The following MAGI1 variants were observed in gnomAD, a reference collection of about 807,000 sequenced individuals.
The protein encoded by MAGI1 is membrane associated guanylate kinase, WW and PDZ domain containing 1, also known as membrane-associated guanylate kinase, WW and PDZ domain-containing protein 1.
In MAGI1, 58 loss-of-function variants were observed where a neutral mutation model predicts 139.9. The ratio of observed to expected loss-of-function variants is 0.41; its 90% CI spans 0.34 to 0.52. The LOEUF (loss-of-function observed/expected upper bound fraction) is 0.52. Among genes scored for constraint, MAGI1 ranks in the 20% least tolerant of loss-of-function variants. The pLI is 0.12. For synonymous variants in MAGI1, 812 were observed against 737.9 expected (o/e 1.10, Z -1.63); for missense variants, 1,874 against 1,901.6 (o/e 0.99, Z 0.27).
chr3:65,557,323 C>T lies in MAGI1; in HGVS notation c.431-63692G>A, dbSNP rs895331726. ...GAAGCCTGCTACCACGTGGTAAGAG[C>T]CACACATAGTGAGGAACTAAAGCCT... On this transcript the variant is annotated intron_variant, in intron 2 of 22. Transcript: ENST00000402939. Among the ~76,000 whole-genome samples the T allele has an allele frequency of 2.6e-5, 4 of 152,180 alleles. No homozygotes were observed. In the South Asian group the frequency reaches 8.3e-4, roughly 32 times the overall value.
At chr3:65,674,223 T>C (rs1230978459) in intron 1 of MAGI1, among the ~76,000 whole-genome samples, 1 of 152,200 alleles carries the variant, frequency 6.6e-6, no homozygotes, top group Non-Finnish European at 1.5e-5. Flanking sequence ...GATTTCTGCA[T>C]GTTATGGCCT....
intron 1 of MAGI1, among the ~76,000 whole-genome samples, chr3:65,740,257 C>A (rs2035145905): frequency 6.6e-6 from 1 of 152,162 alleles, no homozygotes; most frequent in Admixed American, 6.5e-5. Flanking sequence ...GATAATGATG[C>A]TAATAATATT....
intron 4 of MAGI1, among the ~76,000 whole-genome samples, chr3:65,474,145 G>C (rs1430348398): frequency 6.6e-6 from 1 of 152,138 alleles, no homozygotes; most frequent in East Asian, 1.9e-4. Context: ...CGTGTCCATA[G>C]TCTCAGTTAC....
intron 1 of MAGI1, among the ~76,000 whole-genome samples, chr3:65,670,139 G>C (rs570012562): frequency 2.6e-5 from 4 of 152,176 alleles, no homozygotes; most frequent in Admixed American, 2.6e-4. Flanking sequence ...TCAAACTGAT[G>C]TCTCATCATT....
intron 1 of MAGI1, among the ~76,000 whole-genome samples, chr3:65,798,471 AAAGG>A (rs2040295854): frequency 6.6e-6 from 1 of 152,186 alleles, no homozygotes; most frequent in African/African-American, 2.4e-5. Flanking sequence ...CTGAAGTTCC[AAAGG>A]AAGCCGCCAA....
At chr3:65,913,255 C>T (rs2061748170) in intron 1 of MAGI1, among the ~76,000 whole-genome samples, 1 of 152,106 alleles carries the variant, frequency 6.6e-6, no homozygotes, top group African/African-American at 2.4e-5. Flanking sequence ...CAGAGCAAGA[C>T]TGTCTCAAAA....
intron 1 of MAGI1, among the ~76,000 whole-genome samples, chr3:65,991,735 C>A (rs902955895): frequency 2.0e-5 from 3 of 152,196 alleles, no homozygotes; most frequent in African/African-American, 7.2e-5. Context: ...TAAATCCAGG[C>A]CAGGCACGGT....
At chr3:65,501,475 A>AAAAAAAT (rs1553654934) in intron 2 of MAGI1, among the ~76,000 whole-genome samples, 17 of 150,128 alleles carry the variant, frequency 1.1e-4, no homozygotes, top group African/African-American at 3.5e-4. Context: ...AAAAAAAAAA[A>AAAAAAAT]TTTAAACATA....
intron 1 of MAGI1, among the ~76,000 whole-genome samples, chr3:65,891,365 C>A (rs1046905114): frequency 1.3e-5 from 2 of 152,078 alleles, no homozygotes; most frequent in African/African-American, 2.4e-5. Context: ...TATTACAAAT[C>A]TGGTAATATG....
At chr3:65,670,730 G>A (rs1050970531) in intron 1 of MAGI1, among the ~76,000 whole-genome samples, 1 of 152,082 alleles carries the variant, frequency 6.6e-6, no homozygotes, top group Non-Finnish European at 1.5e-5. Flanking sequence ...AACCTCAGTG[G>A]TCTCCATAGT....
rs567615088 is a variant in MAGI1, at chr3:65,641,377, C to A, written c.314-19289G>T. ...TCTATAATAGCACCAGCGCCTAGGC[C>A]CCCACTTCAGACCAATTCAGAATCT... On this transcript the variant is annotated intron_variant, in intron 1 of 22. Transcript: ENST00000402939. 6.6e-5 allele frequency among the ~76,000 whole-genome samples: 10 copies of A among 152,230 alleles called. No individual in the cohort carries two copies. In the South Asian group the frequency reaches 1.7e-3, roughly 25 times the overall value.
chr3:65,647,288 A>G (rs1456172175), intron 1 of MAGI1, among the ~76,000 whole-genome samples: 1 of 152,184 alleles, frequency 6.6e-6, no homozygotes, highest in African/African-American at 2.4e-5. Context: ...GAAAAACACA[A>G]ACTACCACTA....
At chr3:65,445,307 C>A (rs187379580) in intron 7 of MAGI1, among the ~76,000 whole-genome samples, 1 of 152,186 alleles carries the variant, frequency 6.6e-6, no homozygotes, top group Non-Finnish European at 1.5e-5. Flanking sequence ...AACAAAGATA[C>A]TTCTGAACAC....
At chr3:65,502,040 CA>C (rs1199029577) in intron 2 of MAGI1, among the ~76,000 whole-genome samples, 2 of 152,156 alleles carry the variant, frequency 1.3e-5, no homozygotes, top group East Asian at 3.8e-4. Flanking sequence ...GGGAGCAGCA[CA>C]GGTAATTAGG....
intron 12 of MAGI1, among the ~76,000 whole-genome samples, chr3:65,419,614 T>G (rs940136828): frequency 4.6e-5 from 7 of 152,148 alleles, no homozygotes; most frequent in Non-Finnish European, 1.0e-4. Context: ...CTTTCACAAT[T>G]AACAAGTGTG....
At chr3:65,490,024 A>G (rs1006531818) in intron 3 of MAGI1, among the ~76,000 whole-genome samples, 1 of 152,206 alleles carries the variant, frequency 6.6e-6, no homozygotes, top group African/African-American at 2.4e-5. Flanking sequence ...GATGGTGAGT[A>G]CCTGGGAAGT....
At chr3:65,961,822 G>A (rs963232864) in intron 1 of MAGI1, among the ~76,000 whole-genome samples, 1 of 152,146 alleles carries the variant, frequency 6.6e-6, no homozygotes, top group Admixed American at 6.5e-5. Context: ...CAACCTTCCT[G>A]TCAGGCTTCC....
intron 2 of MAGI1, among the ~76,000 whole-genome samples, chr3:65,509,907 T>C (rs2077492018): frequency 6.6e-6 from 1 of 152,192 alleles, no homozygotes; most frequent in African/African-American, 2.4e-5. Flanking sequence ...TGTCCCTGTC[T>C]GACAGCTTTG....
At chr3:65,880,583 G>A (rs171936) in intron 1 of MAGI1, among the ~76,000 whole-genome samples, 340 of 152,226 alleles carry the variant, frequency 2.2e-3, no homozygotes, top group African/African-American at 7.9e-3. Context: ...GACAGATGAG[G>A]TGGGAGAATC....
Sources: allele counts gnomAD v4.1 joint callset (sites outside exome capture counted in the v4.1 genomes callset), GRCh38; gene constraint gnomAD v4.1.1; transcripts MANE v1.5; gene names NCBI Gene and HGNC (gene_info 2026-07-23, HGNC 2026-07-21).